KCNU1: variants seen among roughly 807,000 people sequenced by gnomAD.
KCNU1 encodes potassium channel subfamily U member 1.
KCNU1 carries 93 observed loss-of-function variants against 126.8 expected under a neutral mutation model. The ratio of observed to expected loss-of-function variants is 0.73; its 90% CI spans 0.62 to 0.87. KCNU1 has a LOEUF of 0.87. KCNU1 is among the 40% of genes least tolerant of loss of function. KCNU1 has a pLI of 0.00. For synonymous variants in KCNU1, 523 were observed against 494.2 expected (o/e 1.06, Z -0.77); for missense variants, 1,330 against 1,367.1 (o/e 0.97, Z 0.43).
In KCNU1 at chr8:36,931,257, CA is replaced by C. The variant is rs554019468; in HGVS notation, c.2931+114del. 18 of 568,486 alleles carry C rather than the reference CA, an allele frequency of 3.2e-5. No individual in the cohort carries two copies. The South Asian group carries it at 6.1e-4, about 19-fold the overall frequency. The allele number at this position is 568,486 out of a possible 1,614,324, so 35.2% of individuals were successfully genotyped here. A position where few individuals can be genotyped will look rare whatever the true frequency, so the allele number is the denominator to read the frequency against. On this transcript the variant is annotated intron_variant, in intron 25 of 26. Transcript: ENST00000399881. The stretch of plus-strand genomic sequence containing the variant: ...ATGTCCCATAGCACAGAAATGATAA[CA>C]ATAAAAATAACAAAAAAAGAATACA...
At chr8:36,889,922 C>G (rs1465584513) in intron 19 of KCNU1, among the ~76,000 whole-genome samples, 1 of 152,056 alleles carries the variant, frequency 6.6e-6, no homozygotes, top group Non-Finnish European at 1.5e-5. Flanking sequence ...TTATAGTTGT[C>G]TTTTTGTCAG....
At chr8:36,924,218 C>T (rs537213274) in intron 24 of KCNU1, among the ~76,000 whole-genome samples, 19 of 152,278 alleles carry the variant, frequency 1.2e-4, no homozygotes, top group East Asian at 3.9e-4. Flanking sequence ...TCCTCCTACC[C>T]GGGATTTTCA....
Position 36,863,233 on chromosome 8 carries a change from A to G in KCNU1, c.1892-1171A>G, listed in dbSNP as rs138553445. Among the ~76,000 whole-genome samples, 184 of 152,300 alleles carry G rather than the reference A, an allele frequency of 1.2e-3. 1 individual carries two copies. The East Asian group carries it at 0.025, about 21-fold the overall frequency. The stretch of plus-strand genomic sequence containing the variant: ...GAAAGAGGGATACCAAGACATTTTC[A>G]TGGCTTTTTCTGTCTGCCACTGATC... On this transcript the variant is annotated intron_variant, in intron 18 of 26. Transcript: ENST00000399881.
intron 22 of KCNU1, among the ~76,000 whole-genome samples, chr8:36,913,526 A>G (rs1230003762): frequency 2.0e-5 from 3 of 152,058 alleles, no homozygotes; most frequent in Non-Finnish European, 4.4e-5. Flanking sequence ...ATATAGATGC[A>G]GATAGGCTCT....
At chr8:36,902,605 A>G (rs898019436) in intron 19 of KCNU1, among the ~76,000 whole-genome samples, 2 of 152,152 alleles carry the variant, frequency 1.3e-5, no homozygotes, top group African/African-American at 4.8e-5. Context: ...CTTGGTCATG[A>G]TATGTAAACA....
intron 25 of KCNU1, 62 bp downstream of exon 25, chr8:36,931,207 T>C (rs1042580726): frequency 1.6e-6 from 2 of 1,246,738 alleles, no homozygotes; most frequent in Non-Finnish European, 2.2e-6. Flanking sequence ...CTTCTGAAAA[T>C]GGTCCAGGCT....
chr8:36,885,000 G>T (rs1806638984), intron 19 of KCNU1, among the ~76,000 whole-genome samples: 1 of 152,192 alleles, frequency 6.6e-6, no homozygotes, highest in South Asian at 2.1e-4. Flanking sequence ...GCAAAATCCA[G>T]AAATGTGGAG....
intron 18 of KCNU1, among the ~76,000 whole-genome samples, chr8:36,852,721 A>T (rs1805394666): frequency 6.6e-6 from 1 of 152,104 alleles, no homozygotes; most frequent in South Asian, 2.1e-4. Context: ...GATATGCATA[A>T]GTATTGCTTT....
intron 19 of KCNU1, among the ~76,000 whole-genome samples, chr8:36,873,240 A>T (rs377738857): frequency 6.6e-5 from 10 of 152,090 alleles, no homozygotes; most frequent in African/African-American, 2.2e-4. Flanking sequence ...AAGAATAATT[A>T]CTTTCTTTCT....
intron 7 of KCNU1, among the ~76,000 whole-genome samples, chr8:36,812,871 C>T (rs1340293687): frequency 6.6e-6 from 1 of 151,970 alleles, no homozygotes; most frequent in African/African-American, 2.4e-5. Flanking sequence ...AATTTTAAAG[C>T]GTTCTTTAAA....
Position 36,834,718 on chromosome 8 carries a change from G to A in KCNU1, c.1213-68G>A, listed in dbSNP as rs972546884. 3.0e-5 allele frequency: 30 copies of A among 984,744 alleles called. No individual in the cohort carries two copies. The East Asian group carries it at 3.8e-4, about 12-fold the overall frequency. The allele number at this position is 984,744 out of a possible 1,614,324, so 61.0% of individuals were successfully genotyped here. A position where few individuals can be genotyped will look rare whatever the true frequency, so the allele number is the denominator to read the frequency against. ...TTATTACAAAATTGTTAGAAAACCCGAAAGGGGAAGACCAGAGCATTTCCC... is the reference window on the plus strand; with the variant it reads ...TTATTACAAAATTGTTAGAAAACCCAAAAGGGGAAGACCAGAGCATTTCCC... On this transcript the variant is annotated intron_variant, in intron 11 of 26. Transcript: ENST00000399881.
intron 19 of KCNU1, among the ~76,000 whole-genome samples, chr8:36,866,772 G>C (rs1367201410): frequency 6.6e-6 from 1 of 152,038 alleles, no homozygotes; most frequent in South Asian, 2.1e-4. Flanking sequence ...TGAATCAGAG[G>C]CCAAAGAAAG....
chr8:36,791,751 C>T (rs964165939), intron 2 of KCNU1, among the ~76,000 whole-genome samples: 1 of 151,978 alleles, frequency 6.6e-6, no homozygotes, highest in African/African-American at 2.4e-5. Context: ...GTAATGCAAC[C>T]TCTCGGAAAA....
chr8:36,811,914 A>T (rs1052141021), intron 7 of KCNU1, among the ~76,000 whole-genome samples: 1 of 152,282 alleles, frequency 6.6e-6, no homozygotes, highest in South Asian at 2.1e-4. Context: ...ATATAAAAAA[A>T]TTAGCTGGGC....
At chr8:36,902,303 G>A (rs192056969) in intron 19 of KCNU1, among the ~76,000 whole-genome samples, 31 of 152,270 alleles carry the variant, frequency 2.0e-4, no homozygotes, top group Non-Finnish European at 2.9e-4. Flanking sequence ...AAAATGTACA[G>A]TGATTGATTC....
rs936612912 is a variant in KCNU1, at chr8:36,864,305, C to T, written c.1892-99C>T. ...TGTAGCTGAGACTCCCCAGCCTTTC[C>T]CTAGTCAAGGGTCTATAAATGGCTC... is the stretch of plus-strand genomic sequence containing the variant. On this transcript the variant is annotated intron_variant, in intron 18 of 26. Transcript: ENST00000399881. 1.7e-4 allele frequency: 131 copies of T among 763,000 alleles called. 1 individual carries two copies. The highest frequency in any genetic ancestry group is 3.8e-5 in the Admixed American group (2 of 52,666). 47.3% of individuals were successfully genotyped at this position (763,000 alleles called of 1,614,324 possible).
Position 36,817,714 on chromosome 8 carries a change from C to T in KCNU1, c.1060C>T (p.Arg354Cys), listed in dbSNP as rs528443589. 7.6e-5 allele frequency: 123 copies of T among 1,608,938 alleles called. No homozygotes were observed. The highest frequency in any genetic ancestry group is 2.5e-4 in the East Asian group (11 of 44,638). ...GACCGCTTTCCTGAGGAATTTCCTC[C>T]GCGACAAGTCAGGAGAGATCAACAC... ...SVTAFLRNFL[R>C]DKSGEINTEI... The change falls in exon 10 of 27, where the codon CGC (arginine) becomes TGC (cysteine). Residue 354 changes from arginine (R) to cysteine (C), a missense_variant. Arg to Cys is a radical substitution (Grantham distance 180, BLOSUM62 -3). Coordinates refer to ENST00000399881, the MANE Select transcript of KCNU1 (RefSeq NM_001031836.3).
chr8:36,893,139 T>C (rs535441836), intron 19 of KCNU1, among the ~76,000 whole-genome samples: 92 of 122,674 alleles, frequency 7.5e-4, no homozygotes, highest in African/African-American at 2.6e-3. Flanking sequence ...TTTTTGTTTT[T>C]TTTTGTTTTT....
intron 24 of KCNU1, among the ~76,000 whole-genome samples, 182 bp downstream of exon 24, chr8:36,922,811 C>A (rs1808406354): frequency 6.6e-6 from 1 of 152,142 alleles, no homozygotes; most frequent in South Asian, 2.1e-4. Context: ...TGGGAAGCAA[C>A]ATTTTCACAT....
Sources: allele counts gnomAD v4.1 joint callset (sites outside exome capture counted in the v4.1 genomes callset), GRCh38; gene constraint gnomAD v4.1.1; transcripts MANE v1.5; gene names NCBI Gene and HGNC (gene_info 2026-07-23, HGNC 2026-07-21).